RBFOX1: variants seen among roughly 807,000 people sequenced by gnomAD.
RBFOX1 encodes the protein RNA binding protein fox-1 homolog 1.
Under a neutral mutation model 57.7 loss-of-function variants are expected in RBFOX1, and 8 were observed. That is an observed-to-expected ratio of 0.14 (90% CI 0.08 to 0.25). The LOEUF is 0.25. RBFOX1 is among the 10% of genes least tolerant of loss of function. The pLI is 1.00. For missense variants in RBFOX1, 611 were observed against 548.5 expected (o/e 1.11, Z -1.14); for synonymous variants, 326 against 222.4 (o/e 1.47, Z -4.15).
chr16:7,170,557 A>C (rs979595764), intron 4 of RBFOX1, among the ~76,000 whole-genome samples: 1 of 152,198 alleles, frequency 6.6e-6, no homozygotes, highest in Non-Finnish European at 1.5e-5. Flanking sequence ...CTTCTGGCTA[A>C]TTTAGCACTT....
intron 4 of RBFOX1, among the ~76,000 whole-genome samples, chr16:5,983,913 C>T (rs2060224769): frequency 6.9e-6 from 1 of 145,424 alleles, no homozygotes; most frequent in Non-Finnish European, 1.5e-5. Flanking sequence ...TCCTCCTCCT[C>T]TTCCTCCTCC....
At chr16:6,264,183 G>C (rs545252357) in intron 1 of RBFOX1, among the ~76,000 whole-genome samples, 1 of 152,102 alleles carries the variant, frequency 6.6e-6, no homozygotes, top group Non-Finnish European at 1.5e-5. Context: ...GTTTTTCAGT[G>C]TTCTCTTGGA....
intron 2 of RBFOX1, among the ~76,000 whole-genome samples, chr16:6,405,361 T>G (rs538484057): frequency 3.3e-5 from 5 of 152,280 alleles, no homozygotes; most frequent in African/African-American, 1.2e-4. Flanking sequence ...AATAGCTTCA[T>G]AAAACAAAGC....
rs575652553 is a variant in RBFOX1, at chr16:6,663,058, C to T, written c.-16+8408C>T. 5.3e-5 allele frequency among the ~76,000 whole-genome samples: 8 copies of T among 152,228 alleles called. No individual in the cohort carries two copies. The South Asian group carries it at 1.7e-3, about 32-fold the overall frequency. ...TTGCATTTTGTAAGTTTCAAACTCT[C>T]CTTGTGTGCAGGAGGGAACCAGAAG... On this transcript the variant is annotated intron_variant, in intron 3 of 15. Coordinates refer to ENST00000550418, the MANE Select transcript of RBFOX1 (RefSeq NM_018723.4).
intron 4 of RBFOX1, among the ~76,000 whole-genome samples, chr16:7,419,434 C>T (rs963030090): frequency 6.6e-6 from 1 of 152,214 alleles, no homozygotes; most frequent in Non-Finnish European, 1.5e-5. Flanking sequence ...ATCCCACTCC[C>T]GCCTTGGCGC....
chr16:7,408,943 G>T (rs1157143933), intron 4 of RBFOX1, among the ~76,000 whole-genome samples: 2 of 152,174 alleles, frequency 1.3e-5, no homozygotes, highest in African/African-American at 4.8e-5. Flanking sequence ...ATCATTGCAT[G>T]TTGTCATCCC....
intron 4 of RBFOX1, among the ~76,000 whole-genome samples, chr16:7,130,533 C>T (rs1482579797): frequency 6.6e-6 from 1 of 152,114 alleles, no homozygotes; most frequent in Non-Finnish European, 1.5e-5. Flanking sequence ...AGAGAGTGCA[C>T]TGCAAGTATA....
intron 2 of RBFOX1, among the ~76,000 whole-genome samples, chr16:6,494,681 G>C (rs879741657): frequency 1.3e-5 from 2 of 152,134 alleles, no homozygotes; most frequent in Non-Finnish European, 2.9e-5. Context: ...TCACTTCTCT[G>C]GCATAAATGC....
At chr16:5,432,709 G>C (rs1303697649) in intron 1 of RBFOX1, among the ~76,000 whole-genome samples, 9 of 151,946 alleles carry the variant, frequency 5.9e-5, no homozygotes, top group Non-Finnish European at 2.9e-5. Flanking sequence ...CGAGTTTATG[G>C]GGGGCCCTCC....
At chr16:5,923,921 G>A (rs1373165818) in intron 4 of RBFOX1, among the ~76,000 whole-genome samples, 1 of 152,082 alleles carries the variant, frequency 6.6e-6, no homozygotes. Context: ...CTACTGACAT[G>A]GTTTGTCTGT....
intron 3 of RBFOX1, among the ~76,000 whole-genome samples, chr16:6,851,650 A>G (rs1374383490): frequency 6.6e-6 from 1 of 152,186 alleles, no homozygotes; most frequent in Non-Finnish European, 1.5e-5. Context: ...TGTCAGGGAA[A>G]GAACAAGGCT....
chr16:7,431,889 C>A (rs2098683856), intron 4 of RBFOX1, among the ~76,000 whole-genome samples: 1 of 152,198 alleles, frequency 6.6e-6, no homozygotes, highest in South Asian at 2.1e-4. Context: ...CTTTCCCCCA[C>A]CATCCAGTTC....
At chr16:5,826,702 A>G (rs1044948715) in intron 3 of RBFOX1, among the ~76,000 whole-genome samples, 9 of 152,242 alleles carry the variant, frequency 5.9e-5, no homozygotes. Flanking sequence ...GTGTTTTGTT[A>G]TTTAACATAT....
At chr16:6,877,569 C>T (rs773552303) in intron 3 of RBFOX1, among the ~76,000 whole-genome samples, 6 of 152,236 alleles carry the variant, frequency 3.9e-5, no homozygotes, top group Non-Finnish European at 7.4e-5. Context: ...TTCACAGCCC[C>T]AGAGTCTTGT....
chr16:7,151,744 C>T (rs1025508870), intron 4 of RBFOX1, among the ~76,000 whole-genome samples: 2 of 152,076 alleles, frequency 1.3e-5, no homozygotes, highest in African/African-American at 4.8e-5. Flanking sequence ...TGTTTTCCTG[C>T]AACTAGACAG....
intron 3 of RBFOX1, among the ~76,000 whole-genome samples, chr16:6,924,744 A>G (rs1361225222): frequency 4.0e-5 from 6 of 150,984 alleles, no homozygotes; most frequent in Non-Finnish European, 7.4e-5. Context: ...GGTTTGTTAC[A>G]TATTTATACA....
At chr16:7,417,585 C>A (rs1206535932) in intron 4 of RBFOX1, among the ~76,000 whole-genome samples, 4 of 151,152 alleles carry the variant, frequency 2.6e-5, no homozygotes, top group Non-Finnish European at 5.9e-5. Flanking sequence ...ATGTCTCACC[C>A]ATGTAGCCTC....
Position 5,553,318 on chromosome 16 carries a change from A to AT in RBFOX1, c.259-45569dup, listed in dbSNP as rs148430095. 2.1e-3 allele frequency among the ~76,000 whole-genome samples: 308 copies of AT among 144,972 alleles called. 2 individuals are homozygous for AT. The highest frequency in any genetic ancestry group is 5.1e-3 in the East Asian group (25 of 4,910). ...TAAGGTGTATGCCATATGTCTGAAT[A>AT]TTTTTTTTTTTTTTTGAGATGGAGT... On this transcript the variant is annotated intron_variant, in intron 2 of 2. Coordinates refer to the RBFOX1 transcript ENST00000585867.
At chr16:6,836,843 C>T (rs770637271) in intron 3 of RBFOX1, among the ~76,000 whole-genome samples, 4 of 152,078 alleles carry the variant, frequency 2.6e-5, no homozygotes, top group Non-Finnish European at 5.9e-5. Context: ...TGTGTGAGTC[C>T]ATGATGCAGA....
Sources: gnomAD v4.1 joint callset for allele counts (sites outside exome capture counted in the v4.1 genomes callset) on GRCh38, gnomAD v4.1.1 for gene constraint, MANE v1.5 for transcripts, NCBI Gene and HGNC (gene_info 2026-07-23, HGNC 2026-07-21) for gene names.